The following CNOT4 variants were observed in gnomAD, a reference collection of about 807,000 sequenced individuals.
CNOT4 encodes CCR4-associated factor 4.
CNOT4 carries 8 observed loss-of-function variants against 73.8 expected under a neutral mutation model. The ratio of observed to expected loss-of-function variants is 0.11; its 90% confidence interval spans 0.06 to 0.20. CNOT4 has a LOEUF of 0.20. Among genes scored for constraint, CNOT4 ranks in the 10% least tolerant of loss-of-function variants. The pLI, the probability that CNOT4 is intolerant of heterozygous loss-of-function variation, is 1.00. For missense variants in CNOT4, 564 were observed against 883.4 expected, an observed-to-expected ratio of 0.64 and a Z score of 4.58; for synonymous variants, 293 against 321.1, an observed-to-expected ratio of 0.91 and a Z score of 0.94.
At chr7:135,478,933 A>G (rs1333958652) in intron 1 of CNOT4, among the ~76,000 whole-genome samples, 1 of 152,192 alleles carries the variant, frequency 6.6e-6, no homozygotes, top group African/African-American at 2.4e-5. Flanking sequence ...AATAAACTGA[A>G]AAATTTTTCC....
At chr7:135,469,140 T>C (rs1801413156) in intron 1 of CNOT4, among the ~76,000 whole-genome samples, 2 of 152,124 alleles carry the variant, frequency 1.3e-5, no homozygotes. Flanking sequence ...TGATTCCCAG[T>C]ATAACTCTGA....
intron 10 of CNOT4, among the ~76,000 whole-genome samples, chr7:135,393,221 G>A (rs1796491141): frequency 6.6e-6 from 1 of 152,024 alleles, no homozygotes; most frequent in Non-Finnish European, 1.5e-5. Context: ...AACCTTCAAG[G>A]GTAGCAGTAC....
Position 135,388,310 on chromosome 7 carries a change from T to G in CNOT4, c.1627+5608A>C, listed in dbSNP as rs983406818. 4.1e-6 allele frequency: 4 copies of G among 984,994 alleles called. No individual in the cohort carries two copies. In the African/African-American group the frequency reaches 7.0e-5, roughly 17 times the overall value. The allele number at this position is 984,994 out of a possible 1,614,324, so 61.0% of individuals were successfully genotyped here. On this transcript the variant is annotated intron_variant, in intron 10 of 11. Coordinates refer to ENST00000541284, the MANE Select transcript of CNOT4 (RefSeq NM_001190850.2). Reference sequence around the variant, plus strand: ...TCGCCAACAATATCCTTCTGAGCATTAAATGACACCACCAATTTTGTTTTA... The same window carrying G: ...TCGCCAACAATATCCTTCTGAGCATGAAATGACACCACCAATTTTGTTTTA...
chr7:135,495,686 AAAAAAAAG>A lies in CNOT4; in HGVS notation c.-93+14195_-93+14202del, dbSNP rs1803471276. 5.8e-3 allele frequency among the ~76,000 whole-genome samples: 498 copies of A among 85,704 alleles called. 30 individuals carry two copies. The highest frequency in any genetic ancestry group is 0.034 in the Admixed American group (275 of 8,166). The allele number at this position is 85,704 out of a possible 152,430, so 56.2% of individuals were successfully genotyped here. A position where few individuals can be genotyped will look rare whatever the true frequency, so the allele number is the denominator to read the frequency against. On this transcript the variant is annotated intron_variant, in intron 1 of 11. Coordinates refer to ENST00000541284, the MANE Select transcript of CNOT4 (RefSeq NM_001190850.2). Reference sequence around the variant, plus strand: ...CCCTGTGTCAAAAAAAAAAAAAAAAAAAAAAAAGAAAGAAAGAAAGAAAGAAAGAAAGA... The same window carrying A: ...CCCTGTGTCAAAAAAAAAAAAAAAAAAAAGAAAGAAAGAAAGAAAGAAAGA...
chr7:135,403,105 T>G (rs1291609377), intron 7 of CNOT4, among the ~76,000 whole-genome samples: 1 of 152,230 alleles, frequency 6.6e-6, no homozygotes, highest in Non-Finnish European at 1.5e-5. Flanking sequence ...AAAATTTACT[T>G]ACATTTTAAA....
intron 8 of CNOT4, among the ~76,000 whole-genome samples, chr7:135,396,413 G>A (rs1283507198): frequency 1.3e-5 from 2 of 151,992 alleles, no homozygotes; most frequent in Non-Finnish European, 2.9e-5. Flanking sequence ...CACCGTGCCC[G>A]GCCATCTCCT....
chr7:135,497,882 G>C (rs1182660094), intron 1 of CNOT4, among the ~76,000 whole-genome samples: 1 of 152,104 alleles, frequency 6.6e-6, no homozygotes, highest in Non-Finnish European at 1.5e-5. Flanking sequence ...CTTAGACATT[G>C]TTTTACAAGT....
chr7:135,468,031 C>T (rs1251711041), intron 1 of CNOT4, among the ~76,000 whole-genome samples: 3 of 151,646 alleles, frequency 2.0e-5, no homozygotes, highest in East Asian at 2.0e-4. Flanking sequence ...CTGGCTAACA[C>T]GGTGAAACCC....
intron 1 of CNOT4, among the ~76,000 whole-genome samples, chr7:135,439,738 C>T (rs1484491833): frequency 6.6e-6 from 1 of 152,124 alleles, no homozygotes; most frequent in East Asian, 1.9e-4. Context: ...TATAACTGTG[C>T]CACCACACTC....
At chr7:135,497,344 G>C (rs965125844) in intron 1 of CNOT4, among the ~76,000 whole-genome samples, 9 of 152,112 alleles carry the variant, frequency 5.9e-5, no homozygotes, top group African/African-American at 2.2e-4. Flanking sequence ...AGGAGGCGGA[G>C]GTTGTGGTGA....
At chr7:135,442,752 C>G (rs2129485518) in intron 1 of CNOT4, among the ~76,000 whole-genome samples, 1 of 151,968 alleles carries the variant, frequency 6.6e-6, no homozygotes, top group Admixed American at 6.6e-5. Context: ...ATTAATTTGG[C>G]AGGGAAAAAA....
chr7:135,444,840 G>T (rs2129485613), intron 1 of CNOT4: 1 of 1,606,664 alleles, frequency 6.2e-7, no homozygotes. Context: ...AGGGCTTTTG[G>T]CACTTTCAGC....
At chr7:135,439,901 T>C (rs974277643) in intron 1 of CNOT4, among the ~76,000 whole-genome samples, 7 of 152,052 alleles carry the variant, frequency 4.6e-5, no homozygotes, top group Non-Finnish European at 1.0e-4. Flanking sequence ...GGCTATCCAT[T>C]TGAATAAAAA....
chr7:135,365,372 T>C (rs1794856590), intron 10 of CNOT4, among the ~76,000 whole-genome samples: 1 of 151,846 alleles, frequency 6.6e-6, no homozygotes, highest in African/African-American at 2.4e-5. Context: ...ATAATTGATG[T>C]AATTTACTAA....
chr7:135,399,248 C>T (rs1796874165), intron 7 of CNOT4, among the ~76,000 whole-genome samples: 1 of 152,014 alleles, frequency 6.6e-6, no homozygotes, highest in African/African-American at 2.4e-5. Context: ...ATTGTGGAAA[C>T]ATTAAAGTGT....
intron 1 of CNOT4, among the ~76,000 whole-genome samples, chr7:135,488,931 T>TA (rs1483505647): frequency 6.6e-6 from 1 of 151,858 alleles, no homozygotes; most frequent in African/African-American, 2.4e-5. Flanking sequence ...AAAGAGTTTT[T>TA]AAAAAAAGGA....
At chr7:135,496,489 AC>A (rs1170276610) in intron 1 of CNOT4, among the ~76,000 whole-genome samples, 2 of 152,106 alleles carry the variant, frequency 1.3e-5, no homozygotes, top group Non-Finnish European at 2.9e-5. Context: ...GTGGTCAGTG[AC>A]CCTCACACCA....
At chr7:135,495,087 T>C (rs998079249) in intron 1 of CNOT4, among the ~76,000 whole-genome samples, 5 of 152,194 alleles carry the variant, frequency 3.3e-5, no homozygotes, top group Non-Finnish European at 7.3e-5. Context: ...GGCACAAAAA[T>C]ATTAAGCAAA....
rs1374492141 is a variant in CNOT4, at chr7:135,447,178, T to TAAAAACCATACA, written c.-92-8756_-92-8755insTGTATGGTTTTT. 1.6e-4 allele frequency among the ~76,000 whole-genome samples: 17 copies of TAAAAACCATACA among 106,752 alleles called. 4 individuals carry two copies. Among genetic ancestry groups the TAAAAACCATACA allele is most frequent in the East Asian group, 2.9e-4 (1 of 3,430 alleles). The allele number at this position is 106,752 out of a possible 152,430, so 70.0% of individuals were successfully genotyped here. ...AAGAAACAGCACTTTAAGTTGTCCA[T>TAAAAACCATACA]TGTTTCTGTATTAGACACATTTCAC... On this transcript the variant is annotated intron_variant, in intron 1 of 11. Coordinates refer to ENST00000541284, the MANE Select transcript of CNOT4 (RefSeq NM_001190850.2).
Sources: gnomAD v4.1 joint callset for allele counts (sites outside exome capture counted in the v4.1 genomes callset) on GRCh38, gnomAD v4.1.1 for gene constraint, MANE v1.5 for transcripts, NCBI Gene and HGNC (gene_info 2026-07-23, HGNC 2026-07-21) for gene names.